Variants in SYT2 observed in about 807,000 individuals in gnomAD.
SYT2 encodes synaptotagmin 2.
In SYT2, 15 loss-of-function variants were observed where a neutral mutation model predicts 39.9. That is an observed-to-expected ratio of 0.38 (90% CI 0.25 to 0.58). The LOEUF is 0.58. Among genes scored for constraint, SYT2 ranks in the 20% least tolerant of loss-of-function variants. SYT2 has a pLI of 0.70. For synonymous variants in SYT2, 181 were observed against 204.5 expected (o/e 0.89, Z 0.98); for missense variants, 389 against 530.3 (o/e 0.73, Z 2.62).
At chr1:202,686,254 C>T (rs967090186) in intron 1 of SYT2, among the ~76,000 whole-genome samples, 2 of 152,162 alleles carry the variant, frequency 1.3e-5, no homozygotes, top group African/African-American at 2.4e-5. Context: ...CCTGCAGAAC[C>T]GTGAACCAAG....
At chr1:202,708,197 A>G (rs1329775030) in intron 1 of SYT2, among the ~76,000 whole-genome samples, 1 of 152,012 alleles carries the variant, frequency 6.6e-6, no homozygotes. Context: ...TCAGACCCCA[A>G]AGCTGAAAAA....
At chr1:202,694,969 A>G (rs1226874528) in intron 1 of SYT2, among the ~76,000 whole-genome samples, 1 of 152,202 alleles carries the variant, frequency 6.6e-6, no homozygotes, top group Non-Finnish European at 1.5e-5. Flanking sequence ...ATCCCAGACC[A>G]GTCTTCTCTG....
chr1:202,662,566 G>A (rs1000252747), intron 1 of SYT2, among the ~76,000 whole-genome samples: 16 of 152,316 alleles, frequency 1.1e-4, no homozygotes, highest in African/African-American at 3.6e-4. Context: ...AAGAGGCAAC[G>A]GATGGAGCGG....
Position 202,614,119 on chromosome 1 carries a change from G to A in SYT2, c.-17-8330C>T, listed in dbSNP as rs759604652. Among the ~76,000 whole-genome samples the A allele has an allele frequency of 4.6e-5, 7 of 152,116 alleles. No homozygotes were observed. The highest frequency in any genetic ancestry group is 1.9e-4 in the East Asian group (1 of 5,192). ...TGCAGGCCTTCTCTCCAGACTGACC[G>A]TCCAGAAATGGTCCTGTAGCAAAGT... On this transcript the variant is annotated intron_variant, in intron 1 of 8. Coordinates refer to ENST00000367268, the MANE Select transcript of SYT2 (RefSeq NM_177402.5). The surrounding 1 kb of genome is among the most constrained non-coding windows in gnomAD (Gnocchi z 4.0).
rs1691606918 is a variant in SYT2 at position 202,631,997 on chromosome 1, G to C, written c.-17-26208C>G. The C allele has an allele frequency of 5.1e-6, 5 of 982,804 alleles. No individual in the cohort carries two copies. In the South Asian group the frequency reaches 1.9e-4, roughly 37 times the overall value. 60.9% of individuals were successfully genotyped at this position (982,804 alleles called of 1,614,324 possible). A position where few individuals can be genotyped will look rare whatever the true frequency, so the allele number is the denominator to read the frequency against. On this transcript the variant is annotated intron_variant, in intron 1 of 8. Coordinates refer to ENST00000367268, the MANE Select transcript of SYT2 (RefSeq NM_177402.5). ...CCAGGCAGTTTGTCCTCAAGGAGAA[G>C]TAGCTGCCAATTATGTGAGGACCAC...
intron 5 of SYT2, 67 bp downstream of exon 5, chr1:202,602,311 T>A: frequency 1.3e-6 from 2 of 1,513,176 alleles, no homozygotes; most frequent in Non-Finnish European, 1.8e-6. Flanking sequence ...CAAGGAAAGG[T>A]CTGTAGAACT....
chr1:202,596,308 TACACACACAC>T lies in SYT2; in HGVS notation c.*439_*448del, dbSNP rs60259163. 11,257 of 88,106 alleles carry T rather than the reference TACACACACAC, an allele frequency of 0.13. 1,487 individuals are homozygous for T. Among genetic ancestry groups the T allele is most frequent in the African/African-American group, 0.34 (10,250 of 29,770 alleles). The allele number at this position is 88,106 out of a possible 1,614,324, so 5.5% of individuals were successfully genotyped here. ...ACACACACACACACACACACACACA[TACACACACAC>T]ACACACACACACACACACGATCATT... On this transcript the variant is annotated 3_prime_UTR_variant, in exon 9 of 9. Transcript: ENST00000367268.
chr1:202,643,885 G>C (rs551228518), intron 1 of SYT2, among the ~76,000 whole-genome samples: 2 of 152,314 alleles, frequency 1.3e-5, no homozygotes, highest in South Asian at 4.1e-4. Flanking sequence ...CCACCCGCCA[G>C]CTCCGAGTTT....
chr1:202,648,070 C>A (rs1692123562), intron 1 of SYT2, among the ~76,000 whole-genome samples: 1 of 152,170 alleles, frequency 6.6e-6, no homozygotes, highest in Non-Finnish European at 1.5e-5. Context: ...TAAAATGGAA[C>A]AGAAACAGTA....
At chr1:202,684,923 G>T (rs1346286083) in intron 1 of SYT2, among the ~76,000 whole-genome samples, 1 of 152,162 alleles carries the variant, frequency 6.6e-6, no homozygotes, top group Admixed American at 6.5e-5. Context: ...CACAGCAGGG[G>T]GGATGACATG....
At position 202,602,983 on chromosome 1, in the gene SYT2, C is replaced by G; in HGVS notation, c.465+16G>C. On this transcript the variant is annotated intron_variant, in intron 4 of 8. Transcript: ENST00000367268. ...CTCCCCATTCCCCCACTCTGCCCCC[C>G]CACAGCCCTGCATACCTGATTAGCC... is the stretch of plus-strand genomic sequence containing the variant. 2 of 1,574,050 alleles carry G rather than the reference C, an allele frequency of 1.3e-6. No individual in the cohort carries two copies. Among genetic ancestry groups the G allele is most frequent in the Non-Finnish European group, 1.7e-6 (2 of 1,159,064 alleles).
At position 202,627,537 on chromosome 1, in the gene SYT2, A is replaced by C. The variant is rs985376518; in HGVS notation, c.-17-21748T>G. On this transcript the variant is annotated intron_variant, in intron 1 of 8. Transcript: ENST00000367268. ...TGGACGGGCAGGCGCACTGCCTTGC[A>C]GTGCTCCACTATAGGTAGGCAGGCC... The C allele has an allele frequency of 2.0e-6, 2 of 985,316 alleles. 1 individual carries two copies. Among genetic ancestry groups the C allele is most frequent in the African/African-American group, 3.5e-5 (2 of 57,342 alleles). The allele number at this position is 985,316 out of a possible 1,614,324, so 61.0% of individuals were successfully genotyped here.
intron 1 of SYT2, among the ~76,000 whole-genome samples, chr1:202,629,803 A>T (rs1691519582): frequency 7.0e-6 from 1 of 143,744 alleles, no homozygotes; most frequent in Non-Finnish European, 1.5e-5. Context: ...CAGGAGTTTG[A>T]CATTAGGTAA....
chr1:202,602,977 GCC>G lies in SYT2; in HGVS notation c.465+20_465+21del, dbSNP rs55968420. On this transcript the variant is annotated intron_variant, in intron 4 of 8. Coordinates refer to ENST00000367268, the MANE Select transcript of SYT2 (RefSeq NM_177402.5). ...AGGCCTCTCCCCATTCCCCCACTCT[GCC>G]CCCCCACAGCCCTGCATACCTGATT... The G allele has an allele frequency of 0.61, 969,363 of 1,583,192 alleles. 295,396 individuals carry two copies. Among genetic ancestry groups the G allele is most frequent in the Admixed American group, 0.75 (43,806 of 58,218 alleles).
intron 1 of SYT2, among the ~76,000 whole-genome samples, chr1:202,691,812 G>C (rs1401331320): frequency 7.1e-6 from 1 of 141,740 alleles, no homozygotes; most frequent in Non-Finnish European, 1.5e-5. Context: ...AAAAGGAGCT[G>C]GAGAATAGAG....
chr1:202,676,564 C>T (rs148941949), intron 1 of SYT2, among the ~76,000 whole-genome samples: 63 of 152,284 alleles, frequency 4.1e-4, no homozygotes, highest in African/African-American at 1.4e-3. Flanking sequence ...ATCAGACAAC[C>T]GGCTCAGCTT....
At chr1:202,643,756 G>T (rs746440693) in intron 1 of SYT2, among the ~76,000 whole-genome samples, 1 of 152,094 alleles carries the variant, frequency 6.6e-6, no homozygotes, top group South Asian at 2.1e-4. Flanking sequence ...AACTGGCGCG[G>T]TCCTACAGAA....
intron 1 of SYT2, among the ~76,000 whole-genome samples, chr1:202,658,374 A>T (rs947309013): frequency 6.6e-6 from 1 of 152,138 alleles, no homozygotes; most frequent in Non-Finnish European, 1.5e-5. Flanking sequence ...CAGACCAGGA[A>T]GCCAGCCAGG....
Position 202,656,126 on chromosome 1 carries a change from GCACACACA to G in SYT2, c.-17-50345_-17-50338del, listed in dbSNP as rs10579829. Among the ~76,000 whole-genome samples the G allele has an allele frequency of 1.0e-4, 15 of 150,182 alleles. No individual in the cohort carries two copies. In the South Asian group the frequency reaches 3.2e-3, roughly 32 times the overall value. ...ACTGGGGGAAAGCGGGCTTTGGAAC[GCACACACA>G]CACACACACACGTGCACATATGCAC... On this transcript the variant is annotated intron_variant, in intron 1 of 8. Transcript: ENST00000367268.
Sources: allele counts gnomAD v4.1 joint callset (sites outside exome capture counted in the v4.1 genomes callset), GRCh38; gene constraint gnomAD v4.1.1; non-coding constraint Gnocchi (gnomAD v3.1); transcripts MANE v1.5; gene names NCBI Gene and HGNC (gene_info 2026-07-23, HGNC 2026-07-21).